PRPF6: variants seen among roughly 807,000 people sequenced by gnomAD.
PRPF6 encodes pre-mRNA processing factor 6.
In PRPF6, 42 loss-of-function variants were observed where a neutral mutation model predicts 118.3. That is an observed-to-expected ratio of 0.35 (90% CI 0.28 to 0.46). The LOEUF (loss-of-function observed/expected upper bound fraction) is 0.46. Ranked by LOEUF, PRPF6 falls within the 20% of genes least tolerant of loss-of-function variation. The pLI is 1.00. For missense variants in PRPF6, 662 were observed against 1,255.7 expected (o/e 0.53, Z 7.15); for synonymous variants, 481 against 485.1 (o/e 0.99, Z 0.11).
chr20:64,005,839 A>G (rs1247705597), intron 9 of PRPF6, among the ~76,000 whole-genome samples: 1 of 151,986 alleles, frequency 6.6e-6, no homozygotes, highest in Non-Finnish European at 1.5e-5. Context: ...GACTCAAACT[A>G]TCCTCCAGTC....
chr20:63,989,372 G>A (rs2059108826), intron 3 of PRPF6, among the ~76,000 whole-genome samples: 3 of 152,154 alleles, frequency 2.0e-5, no homozygotes, highest in Non-Finnish European at 2.9e-5. Context: ...GCCAGGTGTG[G>A]TGGCTCGCTC....
chr20:64,024,727 G>A lies in PRPF6; in HGVS notation c.1908+34G>A, dbSNP rs140958675. On this transcript the variant is annotated intron_variant, in intron 14 of 20. Transcript: ENST00000266079. ...GGGTTGCCTGTGTGGTGAGGGGCCT[G>A]TGCACACAGGAGCTGACCTGGGTGC... 18 of 1,605,624 alleles carry A rather than the reference G, an allele frequency of 1.1e-5. No homozygotes were observed. In the African/African-American group the frequency reaches 1.7e-4, roughly 15 times the overall value.
chr20:63,999,509 T>G (rs972677568), intron 7 of PRPF6, 94 bp from the exon 8 acceptor site: 9 of 1,505,914 alleles, frequency 6.0e-6, no homozygotes, highest in Non-Finnish European at 8.3e-6. Flanking sequence ...TGATAGTTCT[T>G]ACATTGTGAC....
intron 9 of PRPF6, among the ~76,000 whole-genome samples, chr20:64,002,615 C>A (rs907941537): frequency 6.6e-6 from 1 of 151,138 alleles, no homozygotes; most frequent in East Asian, 2.0e-4. Flanking sequence ...GGATTACAGG[C>A]GTGAGCCCCT....
rs146586069 is a variant in PRPF6 at position 64,013,534 on chromosome 20, C to T, written c.1524+2031C>T. Among the ~76,000 whole-genome samples, 782 of 152,190 alleles carry T rather than the reference C, an allele frequency of 5.1e-3. 5 individuals carry two copies. The highest frequency in any genetic ancestry group is 0.018 in the African/African-American group (731 of 41,506). ...CAGTCATGGCTCACTGCATCCTTGA[C>T]CTGGGCTCAAGCAATCCTCCCGCCT... On this transcript the variant is annotated intron_variant, in intron 11 of 20. Coordinates refer to ENST00000266079, the MANE Select transcript of PRPF6 (RefSeq NM_012469.4).
rs2059135473 is a variant in PRPF6 at position 63,995,091 on chromosome 20, CTG to C, written c.615+2_615+3del. On this transcript the variant is annotated splice_donor_variant and coding_sequence_variant, in exon 5 of 21. Coordinates refer to ENST00000266079, the MANE Select transcript of PRPF6 (RefSeq NM_012469.4). LOFTEE classifies it high-confidence loss of function. ...CATACCTCAGTGGATCCCCGACAAA[CTG>C]TGAGCTTCCAAAAAAGGGCACATGT... 2 of 1,614,038 alleles carry C rather than the reference CTG, an allele frequency of 1.2e-6. No homozygotes were observed. The highest frequency in any genetic ancestry group is 1.7e-6 in the Non-Finnish European group (2 of 1,180,036).
At chr20:63,994,369 C>A (rs914552469) in intron 4 of PRPF6, among the ~76,000 whole-genome samples, 6 of 152,076 alleles carry the variant, frequency 3.9e-5, no homozygotes, top group Non-Finnish European at 7.4e-5. Flanking sequence ...GTTGGTCAGG[C>A]TGGTCTCGAA....
intron 5 of PRPF6, 54 bp downstream of exon 5, chr20:63,995,146 G>T: frequency 6.2e-7 from 1 of 1,609,840 alleles, no homozygotes. Context: ...TAGATCAGTG[G>T]CAGGAATGGT....
chr20:64,013,341 G>A (rs183196913), intron 11 of PRPF6, among the ~76,000 whole-genome samples: 17 of 152,264 alleles, frequency 1.1e-4, no homozygotes, highest in Admixed American at 1.0e-3. Flanking sequence ...GTCACCCACT[G>A]AGTTATGTTT....
chr20:64,004,607 T>C (rs1046541799), intron 9 of PRPF6, among the ~76,000 whole-genome samples: 11 of 152,102 alleles, frequency 7.2e-5, no homozygotes, highest in Admixed American at 3.3e-4. Flanking sequence ...AATGGGCGTT[T>C]TGGGTGCTGA....
intron 3 of PRPF6, among the ~76,000 whole-genome samples, chr20:63,987,215 A>G (rs2059098814): frequency 6.6e-6 from 1 of 151,344 alleles, no homozygotes; most frequent in African/African-American, 2.4e-5. Context: ...ACACAATAAA[A>G]GCTATATACA....
Position 64,033,022 on chromosome 20 carries a change from G to A in PRPF6, c.*29G>A. On this transcript the variant is annotated 3_prime_UTR_variant, in exon 21 of 21. Transcript: ENST00000266079. ...AGCGGTTGCCATGGCCGGTCTCCGT[G>A]GGGCAGGGTTGGGCCGCATGTGGAA... 1.9e-6 allele frequency: 3 copies of A among 1,612,584 alleles called. No individual in the cohort carries two copies. Among genetic ancestry groups the A allele is most frequent in the Non-Finnish European group, 2.5e-6 (3 of 1,179,936 alleles).
At position 64,022,770 on chromosome 20, in the gene PRPF6, A is replaced by G. The variant is rs895594667; in HGVS notation, c.1661A>G (p.Asn554Ser). The change falls in exon 13 of 21, where the codon AAT becomes AGT. Residue 554 changes from asparagine (N) to serine (S), a missense_variant. Physicochemically the swap from Asn to Ser is conservative, Grantham distance 46. Around this residue, in one of 10 missense-constraint regions of PRPF6, gnomAD observed 189 missense variants for 323.5 expected, o/e 0.58. Transcript: ENST00000266079. ...MEDADSCVAH[N>S]ALECARAIYA... ...TCTCTGCTCTAGTGTGTAGCCCACA[A>G]TGCCCTGGAGTGTGCACGAGCCATC... 18 of 1,613,930 alleles carry G rather than the reference A, an allele frequency of 1.1e-5. No homozygotes were observed. The highest frequency in any genetic ancestry group is 1.7e-5 in the Admixed American group (1 of 60,002).
intron 3 of PRPF6, among the ~76,000 whole-genome samples, chr20:63,990,346 A>G (rs1312586436): frequency 6.6e-6 from 1 of 152,228 alleles, no homozygotes; most frequent in Middle Eastern, 3.2e-3. Context: ...TTGGCCTCCC[A>G]GAGTGCTGGG....
chr20:63,993,286 ATTTGAT>A, intron 3 of PRPF6, 115 bp from the exon 4 acceptor site: 1 of 509,336 alleles, frequency 2.0e-6, no homozygotes, highest in Non-Finnish European at 3.7e-6. Context: ...ATATATATAT[ATTTGAT>A]TTAGCTACTA....
rs1056499019 is a variant in PRPF6 at position 64,024,612 on chromosome 20, G to A, written c.1827G>A (p.Val609=). 2.5e-6 allele frequency: 4 copies of A among 1,613,818 alleles called. No individual in the cohort carries two copies. The highest frequency in any genetic ancestry group is 2.2e-5 in the East Asian group (1 of 44,888). ...TGGCCCACTGCCCCAAAGCAGAGGTGCTGTGGCTCATGGGCGCCAAGTCCA... is the reference window on the plus strand; with the variant it reads ...TGGCCCACTGCCCCAAAGCAGAGGTACTGTGGCTCATGGGCGCCAAGTCCA... ...RAVAHCPKAE[V]LWLMGAKSKW... is the part of the protein sequence containing the mutation. Residue 609 remains valine, a synonymous_variant, in exon 14 of 21, where the codon GTG becomes GTA. Coordinates refer to ENST00000266079, the MANE Select transcript of PRPF6 (RefSeq NM_012469.4).
chr20:64,019,003 C>T (rs1374759654), intron 12 of PRPF6, among the ~76,000 whole-genome samples: 1 of 152,116 alleles, frequency 6.6e-6, no homozygotes, highest in African/African-American at 2.4e-5. Context: ...GCCGGCTGGG[C>T]CATCCTCCTG....
At chr20:63,999,276 TC>T in intron 7 of PRPF6, 137 bp downstream of exon 7, 1 of 804,360 alleles carries the variant, frequency 1.2e-6, no homozygotes, top group Non-Finnish European at 2.1e-6. Context: ...GTTTGTTTTT[TC>T]CATTTGAAAT....
intron 9 of PRPF6, among the ~76,000 whole-genome samples, chr20:64,007,831 G>A (rs1365959931): frequency 6.6e-6 from 1 of 152,066 alleles, no homozygotes; most frequent in African/African-American, 2.4e-5. Flanking sequence ...AGGCTAGAGT[G>A]CAGTGTCACA....
Sources: gnomAD v4.1 joint callset for allele counts (sites outside exome capture counted in the v4.1 genomes callset) on GRCh38, gnomAD v4.1.1 for gene constraint, gnomAD v4.1.1 regional missense constraint, MANE v1.5 for transcripts, NCBI Gene and HGNC (gene_info 2026-07-23, HGNC 2026-07-21) for gene names.